Variants in PDE4B observed in about 807,000 individuals in gnomAD.
PDE4B encodes the protein 3',5'-cyclic-AMP phosphodiesterase 4B.
In PDE4B, 20 loss-of-function variants were observed where a neutral mutation model predicts 82.2. The observed-to-expected ratio is 0.24, with a 90% CI of 0.17 to 0.35. The LOEUF (loss-of-function observed/expected upper bound fraction) is 0.35. Ranked by LOEUF, PDE4B falls within the 10% of genes least tolerant of loss-of-function variation. PDE4B has a pLI of 1.00. For missense variants in PDE4B, 655 were observed against 907.2 expected (o/e 0.72, Z 3.57); for synonymous variants, 320 against 318.9 (o/e 1.00, Z -0.04).
intron 7 of PDE4B, among the ~76,000 whole-genome samples, chr1:66,310,795 G>T (rs552416886): frequency 2.6e-5 from 4 of 152,116 alleles, no homozygotes; most frequent in Non-Finnish European, 5.9e-5. Flanking sequence ...GAGGTTCCTG[G>T]CTGACACTTA....
intron 3 of PDE4B, among the ~76,000 whole-genome samples, chr1:66,043,661 T>TATG (rs1410057196): frequency 1.3e-5 from 2 of 151,752 alleles, no homozygotes; most frequent in Non-Finnish European, 3.0e-5. Flanking sequence ...AAGTCAAACT[T>TATG]ATGCAAACTA....
At chr1:66,339,482 G>T (rs1258532450) in intron 8 of PDE4B, among the ~76,000 whole-genome samples, 1 of 152,126 alleles carries the variant, frequency 6.6e-6, no homozygotes, top group African/African-American at 2.4e-5. Context: ...TTACTCAATG[G>T]TAATCCATTT....
At chr1:66,283,493 A>G (rs1250202490) in intron 7 of PDE4B, among the ~76,000 whole-genome samples, 1 of 152,144 alleles carries the variant, frequency 6.6e-6, no homozygotes, top group African/African-American at 2.4e-5. Flanking sequence ...TATTCAACAC[A>G]TATTTACAAT....
intron 3 of PDE4B, chr1:66,042,447 A>C (rs2100831966): frequency 6.6e-6 from 1 of 152,032 alleles, no homozygotes; most frequent in East Asian, 1.9e-4. Flanking sequence ...AATTATGTAC[A>C]ACTGCATTAT....
chr1:66,346,864 C>T (rs1325897122), intron 8 of PDE4B, among the ~76,000 whole-genome samples: 1 of 152,172 alleles, frequency 6.6e-6, no homozygotes, highest in Non-Finnish European at 1.5e-5. Context: ...TGGTCTCAGA[C>T]ACCTTGGCAG....
chr1:66,265,978 G>A lies in PDE4B; in HGVS notation c.585-60G>A, dbSNP rs542812475. The A allele has an allele frequency of 1.9e-5, 23 of 1,240,474 alleles. 1 individual carries two copies. The East Asian group carries it at 2.1e-4, about 11-fold the overall frequency. The allele number at this position is 1,240,474 out of a possible 1,614,324, so 76.8% of individuals were successfully genotyped here. On this transcript the variant is annotated intron_variant, in intron 6 of 16. Coordinates refer to ENST00000341517, the MANE Select transcript of PDE4B (RefSeq NM_002600.4). Reference sequence around the variant, plus strand: ...TCAGTAACCATGAGGGTGGGGTGTCGGGGGTGGAATGGGCAGTTTTGATAC... The same window carrying A: ...TCAGTAACCATGAGGGTGGGGTGTCAGGGGTGGAATGGGCAGTTTTGATAC...
intron 1 of PDE4B, among the ~76,000 whole-genome samples, chr1:65,826,074 T>C (rs2101267601): frequency 6.6e-6 from 1 of 152,326 alleles, no homozygotes; most frequent in African/African-American, 2.4e-5. Flanking sequence ...TTAGGGAGTT[T>C]TAACAAACTC....
intron 3 of PDE4B, among the ~76,000 whole-genome samples, chr1:66,002,033 G>C (rs1456540114): frequency 3.9e-5 from 6 of 152,070 alleles, no homozygotes; most frequent in Non-Finnish European, 7.4e-5. Flanking sequence ...TATAGTATAT[G>C]CTTTACTTTA....
At chr1:66,109,146 A>G (rs917498431) in intron 3 of PDE4B, among the ~76,000 whole-genome samples, 4 of 151,980 alleles carry the variant, frequency 2.6e-5, no homozygotes, top group Admixed American at 6.6e-5. Flanking sequence ...GTATAATGCC[A>G]TGGTACAGAC....
chr1:66,109,852 T>C (rs1645445429), intron 3 of PDE4B, among the ~76,000 whole-genome samples: 1 of 151,902 alleles, frequency 6.6e-6, no homozygotes. Context: ...TTTCCTCTCA[T>C]TAGTAATTTT....
chr1:66,332,705 C>A, intron 8 of PDE4B, 85 bp downstream of exon 8: 1 of 1,041,668 alleles, frequency 9.6e-7, no homozygotes, highest in South Asian at 1.5e-5. Context: ...CAGAGTGCAC[C>A]AGGGAATGCT....
At chr1:65,974,406 A>G (rs916640174) in intron 3 of PDE4B, among the ~76,000 whole-genome samples, 1 of 152,128 alleles carries the variant, frequency 6.6e-6, no homozygotes, top group Non-Finnish European at 1.5e-5. Flanking sequence ...ATTATATAGG[A>G]AATATTCAGA....
chr1:66,368,435 A>G (rs1272910511), intron 15 of PDE4B, among the ~76,000 whole-genome samples: 1 of 152,218 alleles, frequency 6.6e-6, no homozygotes, highest in Non-Finnish European at 1.5e-5. Context: ...TCCTCTTTCC[A>G]CAAGTGGAAA....
At position 65,918,798 on chromosome 1, in the gene PDE4B, C is replaced by T. The variant is rs1647191003; in HGVS notation, c.244C>T (p.Leu82Phe). Residue 82 changes from leucine to phenylalanine, a missense_variant, in exon 3 of 17, where the codon CTT becomes TTT. Transcript: ENST00000341517. Reference protein sequence around the residue: ...SRPTTLPLTTLPSIAITTVSQ... With the variant: ...SRPTTLPLTTFPSIAITTVSQ... ...GCCGACCACACTGCCTTTGACAACG[C>T]TTCCAAGCATTGCTATTACAACTGT... is the stretch of plus-strand genomic sequence containing the variant. 1 of 1,613,402 alleles carries T rather than the reference C, an allele frequency of 6.2e-7. No homozygotes were observed. The highest frequency in any genetic ancestry group is 8.5e-7 in the Non-Finnish European group (1 of 1,179,268).
At chr1:65,881,065 C>A (rs141438969) in intron 1 of PDE4B, among the ~76,000 whole-genome samples, 30 of 152,270 alleles carry the variant, frequency 2.0e-4, no homozygotes, top group East Asian at 1.9e-3. Context: ...TGTGACTAGT[C>A]CTTGGGTGCT....
At position 66,372,707 on chromosome 1, in the gene PDE4B, C is replaced by G; in HGVS notation, c.*29C>G. The G allele has an allele frequency of 1.9e-6, 3 of 1,586,698 alleles. No homozygotes were observed. In the South Asian group the frequency reaches 3.5e-5, roughly 18 times the overall value. ...CCCTCTCCCTGTGGAGATGAACATT[C>G]TATCCTTGATGAGCATGCCAGCTAT... On this transcript the variant is annotated 3_prime_UTR_variant, in exon 17 of 17. Coordinates refer to ENST00000341517, the MANE Select transcript of PDE4B (RefSeq NM_002600.4).
intron 15 of PDE4B, among the ~76,000 whole-genome samples, chr1:66,368,363 A>T (rs762487895): frequency 2.0e-5 from 3 of 152,224 alleles, no homozygotes; most frequent in Non-Finnish European, 4.4e-5. Context: ...TTTGGATTTA[A>T]ATCCCATTGA....
chr1:66,177,273 G>A (rs993918628), intron 3 of PDE4B, among the ~76,000 whole-genome samples: 1 of 152,202 alleles, frequency 6.6e-6, no homozygotes, highest in Non-Finnish European at 1.5e-5. Flanking sequence ...CACAAACTGG[G>A]ATGTGAACAC....
chr1:66,167,752 T>C (rs1646763178), intron 3 of PDE4B, among the ~76,000 whole-genome samples: 1 of 152,362 alleles, frequency 6.6e-6, no homozygotes, highest in East Asian at 1.9e-4. Context: ...CCTGTGGTTA[T>C]GGTGGTAAAT....
Sources: gnomAD v4.1 joint callset for allele counts (sites outside exome capture counted in the v4.1 genomes callset) on GRCh38, gnomAD v4.1.1 for gene constraint, MANE v1.5 for transcripts, NCBI Gene and HGNC (gene_info 2026-07-23, HGNC 2026-07-21) for gene names.